The following PPP6C variants were observed in gnomAD, a reference collection of about 807,000 sequenced individuals.
PPP6C encodes the protein protein phosphatase 6 catalytic subunit.
A neutral mutation model predicts 39.8 loss-of-function variants in PPP6C; 11 were observed. The observed-to-expected ratio is 0.28, with a 90% CI of 0.17 to 0.46. The LOEUF (loss-of-function observed/expected upper bound fraction) is 0.46, where lower values mean the gene tolerates loss of function less well. Ranked by LOEUF, PPP6C falls within the 20% of genes least tolerant of loss-of-function variation. The probability of loss-of-function intolerance (pLI) is 1.00; values close to 1 mark genes in which losing one functional copy is unlikely to be tolerated. For missense variants in PPP6C, 211 were observed against 373.9 expected (o/e 0.56, Z 3.59); for synonymous variants, 129 against 130.3 (o/e 0.99, Z 0.07).
chr9:125,158,459 A>C, intron 3 of PPP6C, 77 bp from the exon 4 acceptor site: 2 of 1,371,994 alleles, frequency 1.5e-6, no homozygotes, highest in Non-Finnish European at 2.0e-6. Context: ...AACTGTACAA[A>C]CATATAGTTT....
chr9:125,165,194 G>C (rs1828985549), intron 2 of PPP6C, among the ~76,000 whole-genome samples: 1 of 152,016 alleles, frequency 6.6e-6, no homozygotes, highest in Admixed American at 6.6e-5. Context: ...TACCATATTA[G>C]AGATTAAAAC....
At chr9:125,189,441 C>T in intron 1 of PPP6C, 1 of 1,373,164 alleles carries the variant, frequency 7.3e-7, no homozygotes, top group Non-Finnish European at 9.6e-7. Context: ...CCTCGGGATC[C>T]CCACTGAGGC....
intron 6 of PPP6C, among the ~76,000 whole-genome samples, chr9:125,152,360 T>C (rs942687020): frequency 3.3e-5 from 5 of 152,224 alleles, no homozygotes; most frequent in Non-Finnish European, 7.3e-5. Flanking sequence ...ATCGCTAACA[T>C]TCACATTACA....
Position 125,153,667 on chromosome 9 carries a change from T to C in PPP6C, c.535A>G (p.Ile179Val). The change falls in exon 6 of 7, where the codon ATC becomes GTC. Residue 179 changes from isoleucine to valine, a missense_variant. By Grantham distance (29) the Ile-to-Val change is conservative (BLOSUM62 3). Transcript: ENST00000373547. ...TGAGGAATTTCCTGATTCCGTTCGATGGTTCGAATTTGATCCAGTGTTTTG... is the reference window on the plus strand; with the variant it reads ...TGAGGAATTTCCTGATTCCGTTCGACGGTTCGAATTTGATCCAGTGTTTTG... ...DIKTLDQIRTIERNQEIPHKG... is the reference protein window; with the variant it reads ...DIKTLDQIRTVERNQEIPHKG... 1 of 1,614,208 alleles carries C rather than the reference T, an allele frequency of 6.2e-7. No individual in the cohort carries two copies. Among genetic ancestry groups the C allele is most frequent in the Non-Finnish European group, 8.5e-7 (1 of 1,180,030 alleles).
chr9:125,151,116 T>C (rs776946558), intron 6 of PPP6C: 74 of 1,368,254 alleles, frequency 5.4e-5, no homozygotes, highest in Non-Finnish European at 7.5e-5. Context: ...TAAGGGAGAA[T>C]ATCTCTGAGC....
intron 1 of PPP6C, among the ~76,000 whole-genome samples, chr9:125,171,381 G>C (rs1829143943): frequency 6.7e-6 from 1 of 150,138 alleles, no homozygotes; most frequent in Admixed American, 6.7e-5. Flanking sequence ...ACTACCTACA[G>C]AGACACTAAG....
chr9:125,167,396 A>AAAAAAAAAG (rs1355880967), intron 2 of PPP6C, among the ~76,000 whole-genome samples: 10 of 143,628 alleles, frequency 7.0e-5, no homozygotes, highest in African/African-American at 2.1e-4. Context: ...AAAAAAAAAA[A>AAAAAAAAAG]AAAGAAATAA....
intron 2 of PPP6C, 100 bp downstream of exon 2, chr9:125,170,985 G>A (rs1829136037): frequency 1.4e-6 from 1 of 734,572 alleles, no homozygotes; most frequent in South Asian, 3.8e-5. Flanking sequence ...CACCAGTTGT[G>A]TTTGTTGATG....
At chr9:125,163,036 G>A (rs1353482511) in intron 2 of PPP6C, among the ~76,000 whole-genome samples, 1 of 151,858 alleles carries the variant, frequency 6.6e-6, no homozygotes, top group African/African-American at 2.4e-5. Flanking sequence ...CCAGGATGGT[G>A]CCACTGCATT....
intron 6 of PPP6C, among the ~76,000 whole-genome samples, 192 bp from the exon 7 acceptor site, chr9:125,150,113 TG>T (rs1264209420): frequency 6.6e-6 from 1 of 152,186 alleles, no homozygotes; most frequent in Admixed American, 6.5e-5. Context: ...TGCACAACTA[TG>T]GAAACTGTAC....
chr9:125,160,814 C>T (rs1828853934), intron 3 of PPP6C, 27 bp downstream of exon 3: 2 of 1,476,340 alleles, frequency 1.4e-6, no homozygotes, highest in East Asian at 2.4e-5. Context: ...TTTAAACAAG[C>T]ACTTGATATC....
At position 125,189,648 on chromosome 9, in the gene PPP6C, A is replaced by G; in HGVS notation, c.71T>C (p.Leu24Pro). Residue 24 changes from leucine (L) to proline (P), a missense_variant, in exon 1 of 7, where the codon CTG becomes CCG. By Grantham distance (98) the Leu-to-Pro change is moderately conservative (BLOSUM62 -3). Coordinates refer to ENST00000373547, the MANE Select transcript of PPP6C (RefSeq NM_002721.5). ...GAGCCCGCAAATAGGGCTCACCTTC[A>G]GGTCGTTCTCTGGCAGGTACTTGCA... ...RLCKYLPENDLKRLCDYVCDL... is the reference protein window; with the variant it reads ...RLCKYLPENDPKRLCDYVCDL... 1 of 1,613,016 alleles carries G rather than the reference A, an allele frequency of 6.2e-7. No individual in the cohort carries two copies. Among genetic ancestry groups the G allele is most frequent in the Non-Finnish European group, 8.5e-7 (1 of 1,179,624 alleles).
At chr9:125,161,139 T>C (rs1346930085) in intron 2 of PPP6C, among the ~76,000 whole-genome samples, 1 of 152,170 alleles carries the variant, frequency 6.6e-6, no homozygotes, top group East Asian at 1.9e-4. Flanking sequence ...AGGATTCCCT[T>C]TCTCATTTTC....
intron 6 of PPP6C, among the ~76,000 whole-genome samples, chr9:125,153,088 C>T (rs112948578): frequency 0.023 from 3,524 of 151,868 alleles, 145 homozygotes; most frequent in African/African-American, 0.082. Flanking sequence ...GCCTAGCCAA[C>T]ACGGTGAAAT....
intron 2 of PPP6C, 22 bp from the exon 3 acceptor site, chr9:125,160,928 T>G: frequency 6.5e-7 from 1 of 1,530,222 alleles, no homozygotes; most frequent in Non-Finnish European, 8.8e-7. Context: ...ATGCAATACA[T>G]GCTGATTACA....
rs752440685 is a variant in PPP6C at position 125,149,656 on chromosome 9, C to G, written c.*17G>C. ...AGAAGAGGGCAGAAAAATGGGTCAG[C>G]AGGATGGGCGAAGGCCTCAAAGGAA... is the stretch of plus-strand genomic sequence containing the variant. On this transcript the variant is annotated 3_prime_UTR_variant, in exon 7 of 7. Coordinates refer to ENST00000373547, the MANE Select transcript of PPP6C (RefSeq NM_002721.5). The G allele has an allele frequency of 1.2e-6, 2 of 1,609,924 alleles. No homozygotes were observed. The highest frequency in any genetic ancestry group is 1.7e-6 in the Non-Finnish European group (2 of 1,176,894).
At chr9:125,162,775 C>CA (rs143453437) in intron 2 of PPP6C, among the ~76,000 whole-genome samples, 354 of 112,800 alleles carry the variant, frequency 3.1e-3, no homozygotes, top group Middle Eastern at 0.015. Flanking sequence ...GACTCCGTCT[C>CA]AAAAAAAAAA....
At chr9:125,163,319 C>T (rs2131314721) in intron 2 of PPP6C, among the ~76,000 whole-genome samples, 1 of 152,260 alleles carries the variant, frequency 6.6e-6, no homozygotes, top group East Asian at 1.9e-4. Flanking sequence ...GTTATATACA[C>T]AAAGTCAGGA....
intron 6 of PPP6C, chr9:125,151,293 A>G (rs907330668): frequency 2.0e-6 from 3 of 1,491,496 alleles, no homozygotes; most frequent in African/African-American, 2.8e-5. Flanking sequence ...ATCCTTGCGG[A>G]TGACATGGTT....
Sources: allele counts gnomAD v4.1 joint callset (sites outside exome capture counted in the v4.1 genomes callset), GRCh38; gene constraint gnomAD v4.1.1; transcripts MANE v1.5; gene names NCBI Gene and HGNC (gene_info 2026-07-23, HGNC 2026-07-21).